The following IPMK variants were observed in gnomAD, a reference collection of about 807,000 sequenced individuals.
IPMK encodes inositol polyphosphate multikinase, also known as inositol 1,3,4,6-tetrakisphosphate 5-kinase.
A neutral mutation model predicts 45.8 loss-of-function variants in IPMK; 17 were observed. That is an observed-to-expected ratio of 0.37 (90% CI 0.25 to 0.56). The LOEUF (loss-of-function observed/expected upper bound fraction) is 0.56. IPMK is among the 20% of genes least tolerant of loss of function. IPMK has a pLI of 0.79. For missense variants in IPMK, 399 were observed against 498.0 expected (o/e 0.80, Z 1.89); for synonymous variants, 180 against 184.3 (o/e 0.98, Z 0.19).
chr10:58,249,694 T>C (rs1388399522), intron 1 of IPMK, among the ~76,000 whole-genome samples: 3 of 152,256 alleles, frequency 2.0e-5, no homozygotes, highest in African/African-American at 4.8e-5. Context: ...ATAAGCTTTT[T>C]GGCTTGATGT....
chr10:58,240,657 GAAA>G (rs200716414), intron 1 of IPMK, among the ~76,000 whole-genome samples: 3 of 114,020 alleles, frequency 2.6e-5, no homozygotes, highest in African/African-American at 3.1e-5. Context: ...CATACACCAC[GAAA>G]AAAAAAAAAA....
At chr10:58,247,548 CA>C (rs1187616815) in intron 1 of IPMK, among the ~76,000 whole-genome samples, 1 of 151,792 alleles carries the variant, frequency 6.6e-6, no homozygotes, top group Non-Finnish European at 1.5e-5. Flanking sequence ...AGTAAACTAT[CA>C]CAAGAACAAA....
At chr10:58,200,100 T>G (rs1012224942) in intron 4 of IPMK, among the ~76,000 whole-genome samples, 1 of 152,080 alleles carries the variant, frequency 6.6e-6, no homozygotes, top group Non-Finnish European at 1.5e-5. Flanking sequence ...TAAAGTGAGA[T>G]TATAATAAAA....
intron 5 of IPMK, among the ~76,000 whole-genome samples, chr10:58,197,021 CTGGGCACGG>C (rs1438298896): frequency 6.6e-6 from 1 of 152,208 alleles, no homozygotes; most frequent in Non-Finnish European, 1.5e-5. Context: ...GGATTCCAGG[CTGGGCACGG>C]TGGCTCACGC....
chr10:58,243,078 A>G (rs1838719860), intron 1 of IPMK, among the ~76,000 whole-genome samples: 2 of 152,148 alleles, frequency 1.3e-5, no homozygotes, highest in Admixed American at 6.5e-5. Context: ...TTCTTCATAA[A>G]TTACGTCTCA....
At chr10:58,241,905 C>G (rs953857823) in intron 1 of IPMK, among the ~76,000 whole-genome samples, 5 of 151,766 alleles carry the variant, frequency 3.3e-5, no homozygotes, top group African/African-American at 1.2e-4. Flanking sequence ...CAGAAACCAA[C>G]TATAACAACA....
At chr10:58,244,215 GGAGGT>G (rs1326156177) in intron 1 of IPMK, among the ~76,000 whole-genome samples, 5 of 149,864 alleles carry the variant, frequency 3.3e-5, no homozygotes, top group African/African-American at 1.2e-4. Flanking sequence ...GCCCCACCTG[GGAGGT>G]GAGGAGCGCC....
chr10:58,241,278 C>T (rs908566356), intron 1 of IPMK, among the ~76,000 whole-genome samples: 8 of 152,074 alleles, frequency 5.3e-5, no homozygotes, highest in African/African-American at 1.9e-4. Context: ...TGAATCTGGG[C>T]CAAGACAATA....
rs1349949989 is a variant in IPMK at position 58,193,387 on chromosome 10, A to G, written c.*2689T>C. 6.6e-6 allele frequency: 1 copy of G among 151,902 alleles called. No homozygotes were observed. The highest frequency in any genetic ancestry group is 1.5e-5 in the Non-Finnish European group (1 of 67,764). 9.4% of individuals were successfully genotyped at this position (151,902 alleles called of 1,614,324 possible). On this transcript the variant is annotated 3_prime_UTR_variant, in exon 6 of 6. Transcript: ENST00000373935. ...GACACACAACTAATAATGAATACTG[A>G]GTTGAAATACCACAAGCTCCACATT...
intron 3 of IPMK, among the ~76,000 whole-genome samples, chr10:58,225,983 G>T (rs1408761611): frequency 6.6e-6 from 1 of 152,072 alleles, no homozygotes; most frequent in African/African-American, 2.4e-5. Flanking sequence ...AAAAAGACCT[G>T]TAAGCCCACA....
At chr10:58,248,513 G>A (rs1284848169) in intron 1 of IPMK, among the ~76,000 whole-genome samples, 2 of 152,152 alleles carry the variant, frequency 1.3e-5, no homozygotes, top group Admixed American at 6.5e-5. Context: ...AGGGCAATCA[G>A]TGTATCCATC....
chr10:58,196,374 T>C lies in IPMK; in HGVS notation c.953A>G (p.Tyr318Cys). The change falls in exon 6 of 6, where the codon TAT becomes TGT. Residue 318 changes from tyrosine (Y) to cysteine (C), a missense_variant. Physicochemically the swap from Tyr to Cys is radical, Grantham distance 194 (BLOSUM62 -2). This residue lies in a region of IPMK where 288 missense variants were observed against 398.0 expected (regional missense o/e 0.72). Transcript: ENST00000373935. The stretch of plus-strand genomic sequence containing the variant: ...TGTATATATTTTCCTGTGACGCGCA[T>C]ACATCTTGGACAAGCTTTTGCCCAC... ...SSVGKSLSKM[Y>C]ARHRKIYTKK... is the part of the protein sequence containing the mutation. The C allele has an allele frequency of 6.2e-7, 1 of 1,614,144 alleles. No individual in the cohort carries two copies. The highest frequency in any genetic ancestry group is 8.5e-7 in the Non-Finnish European group (1 of 1,180,006).
intron 3 of IPMK, 58 bp from the exon 4 acceptor site, chr10:58,216,375 T>C (rs187005651): frequency 3.5e-5 from 26 of 743,390 alleles, no homozygotes; most frequent in Non-Finnish European, 4.9e-5. Flanking sequence ...ACTCAAGTAC[T>C]TGCCAGGGAA....
chr10:58,232,111 C>CAA (rs1373736074), intron 2 of IPMK, among the ~76,000 whole-genome samples: 1 of 152,144 alleles, frequency 6.6e-6, no homozygotes, highest in African/African-American at 2.4e-5. Flanking sequence ...AGGGATCACT[C>CAA]AATTCAACAA....
chr10:58,225,822 T>TA (rs1341871674), intron 3 of IPMK, among the ~76,000 whole-genome samples: 1 of 152,026 alleles, frequency 6.6e-6, no homozygotes, highest in Non-Finnish European at 1.5e-5. Flanking sequence ...AACTTCCACT[T>TA]ACAGCAAAGA....
chr10:58,208,127 A>G (rs1838100129), intron 4 of IPMK, among the ~76,000 whole-genome samples: 1 of 152,020 alleles, frequency 6.6e-6, no homozygotes, highest in Non-Finnish European at 1.5e-5. Flanking sequence ...TTTTTAGTAG[A>G]CATGGGGTTT....
At chr10:58,239,503 C>T (rs781601609) in intron 1 of IPMK, among the ~76,000 whole-genome samples, 6 of 152,088 alleles carry the variant, frequency 3.9e-5, no homozygotes, top group Non-Finnish European at 5.9e-5. Flanking sequence ...GGTGATCTTC[C>T]CATTAGACAA....
intron 4 of IPMK, among the ~76,000 whole-genome samples, chr10:58,202,268 T>C (rs779666994): frequency 6.6e-6 from 1 of 152,188 alleles, no homozygotes; most frequent in Non-Finnish European, 1.5e-5. Context: ...AAGAAGTCAG[T>C]ATCTGGCTTC....
chr10:58,246,674 A>T (rs1211093459), intron 1 of IPMK, among the ~76,000 whole-genome samples: 3 of 150,428 alleles, frequency 2.0e-5, no homozygotes, highest in Admixed American at 2.0e-4. Flanking sequence ...TAAAGACTTA[A>T]ACGCTAGACC....
Sources: allele counts gnomAD v4.1 joint callset (sites outside exome capture counted in the v4.1 genomes callset), GRCh38; gene constraint gnomAD v4.1.1; regional missense constraint gnomAD v4.1.1; transcripts MANE v1.5; gene names NCBI Gene and HGNC (gene_info 2026-07-23, HGNC 2026-07-21).